The following DGKI variants were observed in gnomAD, a reference collection of about 807,000 sequenced individuals.
DGKI encodes the protein diacylglycerol kinase iota, also known as DAG kinase iota.
Under a neutral mutation model 147.5 loss-of-function variants are expected in DGKI, and 55 were observed. The ratio of observed to expected loss-of-function variants is 0.37; its 90% CI spans 0.30 to 0.47. DGKI has a LOEUF of 0.47. Ranked by LOEUF, DGKI falls within the 20% of genes least tolerant of loss-of-function variation. DGKI has a pLI of 1.00. For synonymous variants in DGKI, 469 were observed against 477.1 expected (o/e 0.98, Z 0.22); for missense variants, 1,007 against 1,323.8 (o/e 0.76, Z 3.71).
intron 24 of DGKI, among the ~76,000 whole-genome samples, chr7:137,468,258 C>CT (rs1481237529): frequency 2.0e-5 from 3 of 152,142 alleles, no homozygotes; most frequent in African/African-American, 7.2e-5. Context: ...ATTCACTCTA[C>CT]TTTTTTCTTT....
At chr7:137,764,098 G>A (rs967716371) in intron 1 of DGKI, among the ~76,000 whole-genome samples, 4 of 152,120 alleles carry the variant, frequency 2.6e-5, no homozygotes, top group East Asian at 1.9e-4. Context: ...CAGAGCCCAC[G>A]AATATTTACT....
intron 29 of DGKI, among the ~76,000 whole-genome samples, chr7:137,409,643 G>A (rs1358379855): frequency 6.6e-6 from 1 of 152,202 alleles, no homozygotes; most frequent in Admixed American, 6.5e-5. Flanking sequence ...ATTCAACTGC[G>A]TTGTCTTAAA....
At chr7:137,633,093 T>C (rs1226235161) in intron 6 of DGKI, among the ~76,000 whole-genome samples, 1 of 150,640 alleles carries the variant, frequency 6.6e-6, no homozygotes, top group Non-Finnish European at 1.5e-5. Context: ...ATGCCCATAA[T>C]CCCAGCTACT....
At chr7:137,456,207 G>A (rs572356003) in intron 27 of DGKI, among the ~76,000 whole-genome samples, 7 of 152,178 alleles carry the variant, frequency 4.6e-5, no homozygotes, top group African/African-American at 1.7e-4. Context: ...GCATTCAGGT[G>A]TGTCTTTATT....
chr7:137,412,564 C>T (rs1323826443), intron 28 of DGKI, among the ~76,000 whole-genome samples: 1 of 152,194 alleles, frequency 6.6e-6, no homozygotes, highest in African/African-American at 2.4e-5. Flanking sequence ...TGTAAAAGAG[C>T]AGGTTGTAAC....
In DGKI at chr7:137,445,937, T is replaced by TA. The variant is rs1813696796; in HGVS notation, c.2736-1836dup. Among the ~76,000 whole-genome samples, 3 of 152,304 alleles carry TA rather than the reference T, an allele frequency of 2.0e-5. No individual in the cohort carries two copies. In the South Asian group the frequency reaches 6.2e-4, roughly 32 times the overall value. Reference sequence around the variant, plus strand: ...GTGAAATGAAATTAGAAGCTGAATCTAAAAGAGAACCTATATTTTAAGTAA... The same window carrying TA: ...GTGAAATGAAATTAGAAGCTGAATCTAAAAAGAGAACCTATATTTTAAGTAA... On this transcript the variant is annotated intron_variant, in intron 27 of 32. Coordinates refer to ENST00000614521, the MANE Select transcript of DGKI (RefSeq NM_001321708.2).
chr7:137,838,026 CAG>C (rs1343190665), intron 1 of DGKI, among the ~76,000 whole-genome samples: 2 of 111,182 alleles, frequency 1.8e-5, no homozygotes, highest in East Asian at 2.8e-4. Context: ...TTTTTTTAGA[CAG>C]AGTCTCACTC....
At chr7:137,400,682 G>C (rs1276285863) in intron 30 of DGKI, among the ~76,000 whole-genome samples, 1 of 152,066 alleles carries the variant, frequency 6.6e-6, no homozygotes, top group East Asian at 1.9e-4. Context: ...TTCATCCTCT[G>C]CAGCTGACAG....
intron 28 of DGKI, among the ~76,000 whole-genome samples, chr7:137,426,511 C>T (rs922703179): frequency 2.0e-5 from 3 of 152,090 alleles, no homozygotes; most frequent in African/African-American, 7.2e-5. Context: ...AAATAACCAG[C>T]TAACATCATA....
In DGKI at chr7:137,721,946, C is replaced by T. The variant is rs545027429; in HGVS notation, c.402-31944G>A. On this transcript the variant is annotated intron_variant, in intron 1 of 32. Coordinates refer to ENST00000614521, the MANE Select transcript of DGKI (RefSeq NM_001321708.2). ...CTAATACTCCATCCTCAGTCCTCAG[C>T]TTAGAAGTATAGCATAGTGAGCTCT... is the stretch of plus-strand genomic sequence containing the variant. 96 of 1,258,598 alleles carry T rather than the reference C, an allele frequency of 7.6e-5. 1 individual carries two copies. In the South Asian group the frequency reaches 1.1e-3, roughly 14 times the overall value. 78.0% of individuals were successfully genotyped at this position (1,258,598 alleles called of 1,614,324 possible).
chr7:137,392,179 TAC>T (rs1481609626), intron 32 of DGKI, among the ~76,000 whole-genome samples: 2 of 152,196 alleles, frequency 1.3e-5, no homozygotes, highest in African/African-American at 2.4e-5. Context: ...TATAATTTCT[TAC>T]AGACTACTAT....
At chr7:137,843,303 GTATA>G in intron 1 of DGKI, 1 of 414,498 alleles carries the variant, frequency 2.4e-6, no homozygotes, top group Non-Finnish European at 3.2e-6. Flanking sequence ...TTCCTACACA[GTATA>G]TAGTCATTTA....
At chr7:137,635,970 T>C (rs1821295872) in intron 6 of DGKI, among the ~76,000 whole-genome samples, 1 of 152,198 alleles carries the variant, frequency 6.6e-6, no homozygotes, top group Non-Finnish European at 1.5e-5. Context: ...AAGCTACTGC[T>C]GCACCCAGTT....
intron 26 of DGKI, 33 bp downstream of exon 26, chr7:137,465,875 G>T: frequency 6.2e-7 from 1 of 1,607,624 alleles, no homozygotes. Context: ...TCACCCTAAG[G>T]CCAGCCTCAC....
intron 30 of DGKI, among the ~76,000 whole-genome samples, chr7:137,399,779 G>A (rs137987180): frequency 2.0e-4 from 30 of 152,118 alleles, no homozygotes; most frequent in African/African-American, 7.2e-4. Context: ...GCGTGGTGGT[G>A]TGTGCCTGTA....
At chr7:137,678,530 C>T (rs756269397) in intron 3 of DGKI, 27 bp downstream of exon 3, 3 of 1,609,718 alleles carry the variant, frequency 1.9e-6, no homozygotes, top group Non-Finnish European at 2.6e-6. Flanking sequence ...ACAGGCCTTC[C>T]CCCAGCAAGA....
chr7:137,688,714 A>C (rs1823507990), intron 2 of DGKI, among the ~76,000 whole-genome samples: 1 of 152,190 alleles, frequency 6.6e-6, no homozygotes, highest in African/African-American at 2.4e-5. Context: ...TTATGCATTT[A>C]ATTGTTTTTA....
At chr7:137,415,980 ACT>A (rs1411994897) in intron 28 of DGKI, among the ~76,000 whole-genome samples, 14 of 137,538 alleles carry the variant, frequency 1.0e-4, no homozygotes, top group African/African-American at 3.7e-4. Flanking sequence ...ACAGAGTGAG[ACT>A]CTGTCTCAAA....
At chr7:137,822,277 C>T (rs2117038539) in intron 1 of DGKI, among the ~76,000 whole-genome samples, 1 of 152,130 alleles carries the variant, frequency 6.6e-6, no homozygotes, top group African/African-American at 2.4e-5. Flanking sequence ...CGTGGTGGCA[C>T]ATGCCTGTAA....
Sources: allele counts gnomAD v4.1 joint callset (sites outside exome capture counted in the v4.1 genomes callset), GRCh38; gene constraint gnomAD v4.1.1; transcripts MANE v1.5; gene names NCBI Gene and HGNC (gene_info 2026-07-23, HGNC 2026-07-21).